The following HHLA1 variants were observed in gnomAD, a reference collection of about 807,000 sequenced individuals.
HHLA1 encodes HHLA1 neighbor of OC90.
Under a neutral mutation model 69.9 loss-of-function variants are expected in HHLA1, and 72 were observed. The observed-to-expected ratio is 1.03, with a 90% CI of 0.85 to 1.25. The LOEUF (loss-of-function observed/expected upper bound fraction) is 1.25. Ranked by LOEUF, HHLA1 falls within the 50% of genes most tolerant of loss-of-function variation. The pLI, the probability that HHLA1 is intolerant of heterozygous loss-of-function variation, is 0.00. For synonymous variants in HHLA1, 252 were observed against 233.2 expected (o/e 1.08, Z -0.73); for missense variants, 685 against 642.2 (o/e 1.07, Z -0.72).
chr8:132,072,020 GAGTGCA>G (rs1325839415), intron 14 of HHLA1, among the ~76,000 whole-genome samples: 8 of 152,044 alleles, frequency 5.3e-5, no homozygotes, highest in Admixed American at 2.0e-4. Flanking sequence ...ATGTGTATGT[GAGTGCA>G]AAAAGGAGAG....
chr8:132,104,735 C>T (rs964381749), intron 2 of HHLA1, among the ~76,000 whole-genome samples: 1 of 152,102 alleles, frequency 6.6e-6, no homozygotes, highest in African/African-American at 2.4e-5. Flanking sequence ...GGCAGGGTCA[C>T]GCAGAGCCTG....
chr8:132,090,898 A>G (rs1187700214), intron 7 of HHLA1, among the ~76,000 whole-genome samples: 1 of 151,918 alleles, frequency 6.6e-6, no homozygotes, highest in Non-Finnish European at 1.5e-5. Context: ...ATCTGGGACT[A>G]CAGGCGCCCG....
chr8:132,104,070 A>G (rs1252019889), intron 3 of HHLA1, 38 bp downstream of exon 3: 2 of 1,475,262 alleles, frequency 1.4e-6, no homozygotes, highest in South Asian at 1.2e-5. Flanking sequence ...TTTGCCCAAG[A>G]ACAGTGAGCT....
At chr8:132,073,686 A>C (rs541385574) in intron 14 of HHLA1, among the ~76,000 whole-genome samples, 19 of 152,268 alleles carry the variant, frequency 1.2e-4, no homozygotes, top group African/African-American at 4.3e-4. Flanking sequence ...CCAAGGCTTG[A>C]TTTCCATGTC....
At chr8:132,080,038 G>A in intron 10 of HHLA1, 72 bp from the exon 11 acceptor site, 1 of 1,512,148 alleles carries the variant, frequency 6.6e-7, no homozygotes. Context: ...AAAGGTCACT[G>A]GACTGCAAAT....
chr8:132,068,745 G>A (rs565774573), intron 15 of HHLA1, among the ~76,000 whole-genome samples: 17 of 152,340 alleles, frequency 1.1e-4, no homozygotes, highest in Middle Eastern at 3.4e-3. Context: ...AAGAGGAGCC[G>A]TGGACACTTC....
intron 1 of HHLA1, among the ~76,000 whole-genome samples, chr8:132,107,204 T>C (rs528674474): frequency 6.6e-6 from 1 of 152,334 alleles, no homozygotes; most frequent in South Asian, 2.1e-4. Context: ...TTTACATTTA[T>C]ATAATAGCTA....
At chr8:132,110,250 A>C (rs774675993) in intron 1 of HHLA1, among the ~76,000 whole-genome samples, 4 of 152,182 alleles carry the variant, frequency 2.6e-5, no homozygotes, top group Non-Finnish European at 5.9e-5. Flanking sequence ...GTTCTGAGGC[A>C]TTACGACGGT....
intron 15 of HHLA1, among the ~76,000 whole-genome samples, chr8:132,068,704 C>A (rs918568018): frequency 6.6e-6 from 1 of 152,206 alleles, no homozygotes; most frequent in Non-Finnish European, 1.5e-5. Context: ...AGCTGCTGCA[C>A]GCACTGTGGA....
At chr8:132,075,329 C>T (rs1299645623) in intron 14 of HHLA1, among the ~76,000 whole-genome samples, 1 of 152,180 alleles carries the variant, frequency 6.6e-6, no homozygotes. Flanking sequence ...AGAATTCAAG[C>T]AGCTTTGAAG....
chr8:132,077,641 T>G (rs1823666943), intron 12 of HHLA1, 85 bp downstream of exon 12: 2 of 1,384,528 alleles, frequency 1.4e-6, no homozygotes, highest in Admixed American at 4.5e-5. Flanking sequence ...TGTATTATAT[T>G]CCAAAAATTT....
rs80015412 is a variant in HHLA1 at position 132,076,204 on chromosome 8, T to C, written c.1241-75A>G. The stretch of plus-strand genomic sequence containing the variant: ...GGTGATACACACAGCAAGAAATTTA[T>C]AACATCTTAAAGGTAAATCATTCTT... On this transcript the variant is annotated intron_variant, in intron 13 of 16. Transcript: ENST00000414222. The C allele has an allele frequency of 6.9e-3, 7,160 of 1,040,188 alleles. 60 individuals are homozygous for C. The highest frequency in any genetic ancestry group is 0.031 in the East Asian group (1,181 of 38,262). The allele number at this position is 1,040,188 out of a possible 1,614,324, so 64.4% of individuals were successfully genotyped here.
In HHLA1 at chr8:132,063,493, A is replaced by G. The variant is rs746303246; in HGVS notation, c.*502T>C. The G allele has an allele frequency of 3.9e-5, 6 of 152,372 alleles. No homozygotes were observed. The highest frequency in any genetic ancestry group is 7.2e-5 in the African/African-American group (3 of 41,462). 9.4% of individuals were successfully genotyped at this position (152,372 alleles called of 1,614,324 possible). On this transcript the variant is annotated 3_prime_UTR_variant, in exon 17 of 17. Coordinates refer to ENST00000414222, the MANE Select transcript of HHLA1 (RefSeq NM_001145095.3). ...TACCATGGCAAGTCTGATTGGTTGT[A>G]CATGTATTAGTTAACTATCAGTATA...
In HHLA1 at chr8:132,085,950, A is replaced by T. The variant is rs573101022; in HGVS notation, c.676+1703T>A. On this transcript the variant is annotated intron_variant, in intron 10 of 16. Coordinates refer to ENST00000414222, the MANE Select transcript of HHLA1 (RefSeq NM_001145095.3). ...GTTACTTCAGGCCATCTGGGCGTAT[A>T]GGTGCAAGTCACAGGGGTTGCGATG... is the stretch of plus-strand genomic sequence containing the variant. Among the ~76,000 whole-genome samples, 921 of 152,206 alleles carry T rather than the reference A, an allele frequency of 6.1e-3. 5 individuals carry two copies. Among genetic ancestry groups the T allele is most frequent in the African/African-American group, 0.021 (889 of 41,510 alleles).
intron 3 of HHLA1, among the ~76,000 whole-genome samples, chr8:132,102,246 A>G (rs183416547): frequency 6.6e-6 from 1 of 152,328 alleles, no homozygotes; most frequent in East Asian, 1.9e-4. Flanking sequence ...TTATCCGTCA[A>G]TGGACATTTA....
chr8:132,085,491 CA>C (rs1563745080), intron 10 of HHLA1: 1 of 378,172 alleles, frequency 2.6e-6, no homozygotes, highest in Admixed American at 3.0e-5. Flanking sequence ...GAGCAAAGAA[CA>C]GGAGGACGGG....
At chr8:132,078,617 G>A (rs1195872900) in intron 11 of HHLA1, among the ~76,000 whole-genome samples, 1 of 152,082 alleles carries the variant, frequency 6.6e-6, no homozygotes, top group African/African-American at 2.4e-5. Context: ...TCTCCTCTAT[G>A]CCGGGGTAGG....
rs62521328 is a variant in HHLA1 at position 132,096,834 on chromosome 8, G to C, written c.281-1048C>G. Among the ~76,000 whole-genome samples, 348 of 152,234 alleles carry C rather than the reference G, an allele frequency of 2.3e-3. 1 individual carries two copies. Among genetic ancestry groups the C allele is most frequent in the Non-Finnish European group, 4.0e-3 (275 of 68,020 alleles). ...GGTGAATTTTTTTCTTTTTTAGACA[G>C]GGTCTTGCTCTGTCACTCAGGCTGG... On this transcript the variant is annotated intron_variant, in intron 5 of 16. Coordinates refer to ENST00000414222, the MANE Select transcript of HHLA1 (RefSeq NM_001145095.3).
chr8:132,070,346 T>C (rs1205577380), intron 15 of HHLA1: 1 of 702,148 alleles, frequency 1.4e-6, no homozygotes, highest in African/African-American at 1.7e-5. Context: ...CAACTTATTT[T>C]GCTGGTGGAT....
Sources: gnomAD v4.1 joint callset for allele counts (sites outside exome capture counted in the v4.1 genomes callset) on GRCh38, gnomAD v4.1.1 for gene constraint, MANE v1.5 for transcripts, NCBI Gene and HGNC (gene_info 2026-07-23, HGNC 2026-07-21) for gene names.